SLCO1B1: variants seen among roughly 807,000 people sequenced by gnomAD.
SLCO1B1 encodes the protein solute carrier organic anion transporter family member 1B1.
Under a neutral mutation model 70.1 loss-of-function variants are expected in SLCO1B1, and 81 were observed. The observed-to-expected ratio is 1.16, with a 90% CI of 0.97 to 1.39. The LOEUF is 1.39. SLCO1B1 is among the 40% of genes most tolerant of loss of function. SLCO1B1 has a pLI of 0.00. For missense variants in SLCO1B1, 895 were observed against 799.6 expected, an observed-to-expected ratio of 1.12 and a Z score of -1.44; for synonymous variants, 283 against 271.5, an observed-to-expected ratio of 1.04 and a Z score of -0.42.
At chr12:21,194,436 T>TG (rs368954344) in intron 7 of SLCO1B1, among the ~76,000 whole-genome samples, 6 of 151,948 alleles carry the variant, frequency 3.9e-5, no homozygotes, top group South Asian at 4.1e-4. Context: ...TTTGTTTTTT[T>TG]GGGGGGGTTG....
intron 7 of SLCO1B1, among the ~76,000 whole-genome samples, chr12:21,190,945 A>G (rs951447929): frequency 3.3e-5 from 5 of 151,908 alleles, no homozygotes; most frequent in African/African-American, 9.7e-5. Flanking sequence ...ATTTTATTTT[A>G]TTCTGCATAT....
Position 21,200,396 on chromosome 12 carries a change from G to A in SLCO1B1, c.971-112G>A, listed in dbSNP as rs12305699. ...ATTGCAGGCTATTCTCACTCTTTGT[G>A]TTATGTGTTTATAGAATTTTAAATC... On this transcript the variant is annotated intron_variant, in intron 8 of 14. Coordinates refer to ENST00000256958, the MANE Select transcript of SLCO1B1 (RefSeq NM_006446.5). 2.9e-4 allele frequency: 177 copies of A among 616,808 alleles called. No individual in the cohort carries two copies. In the African/African-American group the frequency reaches 3.0e-3, roughly 10 times the overall value. 38.2% of individuals were successfully genotyped at this position (616,808 alleles called of 1,614,324 possible). A position where few individuals can be genotyped will look rare whatever the true frequency, so the allele number is the denominator to read the frequency against.
In SLCO1B1 at chr12:21,197,122, A is replaced by T. The variant is rs770854976; in HGVS notation, c.904A>T (p.Asn302Tyr). The change falls in exon 8 of 15, where the codon AAT (asparagine) becomes TAT (tyrosine). Residue 302 changes from asparagine to tyrosine, a missense_variant. By Grantham distance (143) the Asn-to-Tyr change is moderately radical. Coordinates refer to ENST00000256958, the MANE Select transcript of SLCO1B1 (RefSeq NM_006446.5). ...ACTGTCTTTGCATGTGCTGGAAACA[A>T]ATGATGAAAAGGATCAAACAGCTAA... ...ASLSLHVLET[N>Y]DEKDQTANLT... 4 of 1,613,730 alleles carry T rather than the reference A, an allele frequency of 2.5e-6. No homozygotes were observed. In the East Asian group the frequency reaches 8.9e-5, roughly 36 times the overall value.
At chr12:21,206,777 A>C (rs141008914) in intron 11 of SLCO1B1, among the ~76,000 whole-genome samples, 1 of 152,002 alleles carries the variant, frequency 6.6e-6, no homozygotes, top group East Asian at 1.9e-4. Context: ...AATCCACTCA[A>C]CATCTCACAA....
rs189077354 is a variant in SLCO1B1, at chr12:21,159,443, C to G, written c.85-13207C>G. ...CTGAATAAAAAGTAATTGAAAATAC[C>G]TATGACTTTGCAGCAATAAAAAATG... On this transcript the variant is annotated intron_variant, in intron 2 of 14. Coordinates refer to ENST00000256958, the MANE Select transcript of SLCO1B1 (RefSeq NM_006446.5). 1.1e-4 allele frequency among the ~76,000 whole-genome samples: 17 copies of G among 151,806 alleles called. No individual in the cohort carries two copies. In the East Asian group the frequency reaches 2.9e-3, roughly 26 times the overall value.
At chr12:21,207,659 C>G (rs541784161) in intron 11 of SLCO1B1, among the ~76,000 whole-genome samples, 1 of 151,942 alleles carries the variant, frequency 6.6e-6, no homozygotes, top group Non-Finnish European at 1.5e-5. Context: ...GGTATATACC[C>G]GGTAGTGGGA....
Position 21,239,193 on chromosome 12 carries a change from G to A in SLCO1B1, c.*4G>A, listed in dbSNP as rs779800084. The A allele has an allele frequency of 6.2e-6, 10 of 1,600,190 alleles. No homozygotes were observed. In the African/African-American group the frequency reaches 1.2e-4, roughly 19 times the overall value. ...AGATAGTGAAACACATTGTTAAGGG[G>A]AGAAAAAAAGCCACTTCTGCTTCTG... On this transcript the variant is annotated 3_prime_UTR_variant, in exon 15 of 15. Transcript: ENST00000256958.
At chr12:21,215,477 C>T (rs1306535482) in intron 11 of SLCO1B1, among the ~76,000 whole-genome samples, 4 of 152,162 alleles carry the variant, frequency 2.6e-5, no homozygotes, top group African/African-American at 9.7e-5. Flanking sequence ...TAGTGAATCA[C>T]ATTTATTGAT....
At chr12:21,223,524 G>A (rs969915113) in intron 13 of SLCO1B1, among the ~76,000 whole-genome samples, 1 of 152,002 alleles carries the variant, frequency 6.6e-6, no homozygotes, top group African/African-American at 2.4e-5. Flanking sequence ...TTTTTCAAAG[G>A]GTGGCTGTGA....
rs575661079 is a variant in SLCO1B1 at position 21,213,408 on chromosome 12, C to T, written c.1498-3711C>T. 1.3e-4 allele frequency among the ~76,000 whole-genome samples: 20 copies of T among 151,932 alleles called. No individual in the cohort carries two copies. In the East Asian group the frequency reaches 1.7e-3, roughly 13 times the overall value. Reference sequence around the variant, plus strand: ...AATATTGGCCCCCACTCTCTTCTGGCTTATAGGGTTTCTGCCGAGAGATCC... The same window carrying T: ...AATATTGGCCCCCACTCTCTTCTGGTTTATAGGGTTTCTGCCGAGAGATCC... On this transcript the variant is annotated intron_variant, in intron 11 of 14. Coordinates refer to ENST00000256958, the MANE Select transcript of SLCO1B1 (RefSeq NM_006446.5).
At chr12:21,174,470 A>T in intron 3 of SLCO1B1, 107 bp from the exon 4 acceptor site, 5 of 1,024,648 alleles carry the variant, frequency 4.9e-6, no homozygotes, top group Non-Finnish European at 7.5e-6. Flanking sequence ...ATTGTCTTTG[A>T]GGGAAGGCAC....
chr12:21,232,691 CAG>C (rs374462905), intron 14 of SLCO1B1, among the ~76,000 whole-genome samples: 151 of 141,842 alleles, frequency 1.1e-3, no homozygotes, highest in Admixed American at 1.1e-3. Context: ...CACACACACA[CAG>C]AGAGAGAGAG....
In SLCO1B1 at chr12:21,178,993, T is replaced by C; in HGVS notation, c.700T>C (p.Tyr234His). The part of the protein sequence containing the change: ...FTLGSLFSKM[Y>H]VDIGYVDLST... ...CCTGGGATCTCTGTTTTCTAAAATG[T>C]ACGTGGATATTGGATATGTAGATCT... The change falls in exon 7 of 15, where the codon TAC becomes CAC. Residue 234 changes from tyrosine to histidine, a missense_variant. By Grantham distance (83) the Tyr-to-His change is moderately conservative. Coordinates refer to ENST00000256958, the MANE Select transcript of SLCO1B1 (RefSeq NM_006446.5). The C allele has an allele frequency of 6.2e-7, 1 of 1,609,336 alleles. No individual in the cohort carries two copies.
rs1941368114 is a variant in SLCO1B1, at chr12:21,217,133, C to T, written c.1512C>T (p.Cys504=). 3 of 1,612,988 alleles carry T rather than the reference C, an allele frequency of 1.9e-6. No individual in the cohort carries two copies. The highest frequency in any genetic ancestry group is 2.5e-6 in the Non-Finnish European group (3 of 1,179,516). ...CAACGCTTAAGGTGTTTTACAACTG[C>T]AGTTGTTTGGAAGTAACTGGTCTCC... ...GNKKPIVFYN[C]SCLEVTGLQN... is the part of the protein sequence containing the mutation. Residue 504 remains cysteine, a synonymous_variant, in exon 12 of 15, where the codon TGC becomes TGT. Transcript: ENST00000256958.
intron 2 of SLCO1B1, among the ~76,000 whole-genome samples, chr12:21,167,273 C>A (rs1369399656): frequency 6.6e-6 from 1 of 151,942 alleles, no homozygotes; most frequent in Non-Finnish European, 1.5e-5. Flanking sequence ...TTAATGAAAT[C>A]TAATAAAATG....
At position 21,217,107 on chromosome 12, in the gene SLCO1B1, A is replaced by G. The variant is rs80208935; in HGVS notation, c.1498-12A>G. The G allele has an allele frequency of 4.5e-4, 721 of 1,610,398 alleles. 3 individuals carry two copies. In the East Asian group the frequency reaches 0.015, roughly 34 times the overall value. Reference sequence around the variant, plus strand: ...AAATTTCTTATGTCATATTTTATACACAACGCTTAAGGTGTTTTACAACTG... The same window carrying G: ...AAATTTCTTATGTCATATTTTATACGCAACGCTTAAGGTGTTTTACAACTG... On this transcript the variant is annotated splice_polypyrimidine_tract_variant and intron_variant, in intron 11 of 14. Transcript: ENST00000256958.
intron 2 of SLCO1B1, among the ~76,000 whole-genome samples, chr12:21,168,843 CTGT>C (rs1182597782): frequency 6.6e-6 from 1 of 151,964 alleles, no homozygotes; most frequent in East Asian, 1.9e-4. Context: ...ATCTTTTCAC[CTGT>C]TGTTTTCTTT....
chr12:21,151,201 ATAAAG>A (rs942380401), intron 2 of SLCO1B1, among the ~76,000 whole-genome samples: 1 of 152,200 alleles, frequency 6.6e-6, no homozygotes, highest in African/African-American at 2.4e-5. Flanking sequence ...CACAGAAAAG[ATAAAG>A]TAAAAATATG....
intron 8 of SLCO1B1, among the ~76,000 whole-genome samples, chr12:21,197,409 G>C (rs186571363): frequency 6.6e-6 from 1 of 151,990 alleles, no homozygotes; most frequent in Non-Finnish European, 1.5e-5. Context: ...TTTTAGCAGG[G>C]AGAAACCAAC....
Sources: gnomAD v4.1 joint callset for allele counts (sites outside exome capture counted in the v4.1 genomes callset) on GRCh38, gnomAD v4.1.1 for gene constraint, MANE v1.5 for transcripts, NCBI Gene and HGNC (gene_info 2026-07-23, HGNC 2026-07-21) for gene names.